Variants in SEMA3A observed in about 807,000 individuals in gnomAD.
The protein encoded by SEMA3A is semaphorin-3A.
SEMA3A carries 29 observed loss-of-function variants against 97.9 expected under a neutral mutation model. That is an observed-to-expected ratio of 0.30 (90% confidence interval 0.22 to 0.40). SEMA3A has a LOEUF of 0.40. SEMA3A is among the 10% of genes least tolerant of loss of function. SEMA3A has a pLI of 1.00. For synonymous variants in SEMA3A, 321 were observed against 323.7 expected (o/e 0.99, Z 0.09); for missense variants, 763 against 951.3 (o/e 0.80, Z 2.60).
At chr7:84,409,127 C>A (rs1391738747) in intron 1 of SEMA3A, among the ~76,000 whole-genome samples, 3 of 150,114 alleles carry the variant, frequency 2.0e-5, no homozygotes, top group African/African-American at 7.3e-5. Context: ...TATTGTTTGA[C>A]AGCACAATAG....
At chr7:84,060,051 T>C (rs748859690) in intron 5 of SEMA3A, among the ~76,000 whole-genome samples, 2 of 152,158 alleles carry the variant, frequency 1.3e-5, no homozygotes, top group Non-Finnish European at 2.9e-5. Context: ...GTAGAGGACG[T>C]CACATCAAAT....
chr7:83,958,471 A>G lies in SEMA3A; in HGVS notation c.*2900T>C, dbSNP rs1036384401. 1 of 152,510 alleles carries G rather than the reference A, an allele frequency of 6.6e-6. No homozygotes were observed. Among genetic ancestry groups the G allele is most frequent in the African/African-American group, 2.4e-5 (1 of 41,440 alleles). 9.4% of individuals were successfully genotyped at this position (152,510 alleles called of 1,614,324 possible). A position where few individuals can be genotyped will look rare whatever the true frequency, so the allele number is the denominator to read the frequency against. ...CTGAAATGCAATGATAAGTAAAGAT[A>G]TGGAACATATTTCCTACCTGGCAAA... On this transcript the variant is annotated 3_prime_UTR_variant, in exon 17 of 17. Transcript: ENST00000265362.
chr7:84,014,006 T>C (rs1790990950), intron 7 of SEMA3A, among the ~76,000 whole-genome samples: 1 of 152,214 alleles, frequency 6.6e-6, no homozygotes. Flanking sequence ...GCCAGTTACC[T>C]CACAACCTGT....
chr7:84,397,456 C>T (rs928671537), intron 1 of SEMA3A, among the ~76,000 whole-genome samples: 4 of 147,004 alleles, frequency 2.7e-5, no homozygotes, highest in South Asian at 2.1e-4. Context: ...ACATATATAA[C>T]GTATACATAA....
intron 3 of SEMA3A, among the ~76,000 whole-genome samples, chr7:84,296,721 T>C (rs1800881907): frequency 1.3e-5 from 2 of 152,208 alleles, no homozygotes; most frequent in African/African-American, 4.8e-5. Flanking sequence ...CTCTTTGTGA[T>C]AGCTTTTAAA....
At chr7:84,152,472 C>T (rs1796702816) in intron 1 of SEMA3A, among the ~76,000 whole-genome samples, 1 of 137,308 alleles carries the variant, frequency 7.3e-6, no homozygotes, top group African/African-American at 2.8e-5. Flanking sequence ...TATTCTCACT[C>T]ATAGGTGGGA....
intron 3 of SEMA3A, among the ~76,000 whole-genome samples, chr7:84,274,764 G>T (rs1800251081): frequency 6.6e-6 from 1 of 151,934 alleles, no homozygotes; most frequent in Non-Finnish European, 1.5e-5. Flanking sequence ...GCCTTCTTTT[G>T]AAAGCAAAAG....
intron 15 of SEMA3A, among the ~76,000 whole-genome samples, chr7:83,966,536 C>G (rs569264043): frequency 2.0e-5 from 3 of 152,082 alleles, no homozygotes; most frequent in African/African-American, 7.2e-5. Context: ...TTTTGTCCAA[C>G]AAAAAGAAAC....
chr7:84,189,586 A>T (rs1249352811), intron 1 of SEMA3A, among the ~76,000 whole-genome samples: 1 of 151,748 alleles, frequency 6.6e-6, no homozygotes, highest in East Asian at 1.9e-4. Context: ...GCAACTTAAA[A>T]TTCATGATAA....
intron 3 of SEMA3A, among the ~76,000 whole-genome samples, chr7:84,252,350 C>T (rs80244304): frequency 2.6e-5 from 4 of 152,112 alleles, no homozygotes; most frequent in Non-Finnish European, 4.4e-5. Context: ...GAAAACAATT[C>T]GTAGTCAAAT....
intron 3 of SEMA3A, 41 bp downstream of exon 3, chr7:84,129,082 G>A (rs1166171074): frequency 8.3e-6 from 12 of 1,452,366 alleles, no homozygotes; most frequent in East Asian, 2.3e-5. Flanking sequence ...TTGAATGAAG[G>A]ATACTCAACC....
At chr7:84,056,622 A>AAC (rs372931551) in intron 5 of SEMA3A, among the ~76,000 whole-genome samples, 27 of 150,676 alleles carry the variant, frequency 1.8e-4, no homozygotes, top group South Asian at 1.0e-3. Flanking sequence ...CACACACAGA[A>AAC]ACACACACAC....
At position 83,977,177 on chromosome 7, in the gene SEMA3A, T is replaced by C. The variant is rs1166234137; in HGVS notation, c.1672A>G (p.Ile558Val). 3.1e-6 allele frequency: 5 copies of C among 1,592,354 alleles called. No homozygotes were observed. The highest frequency in any genetic ancestry group is 4.3e-6 in the Non-Finnish European group (5 of 1,167,158). ...TGAGTCAGTGGGTCTCCATTTCTTA[T>C]ATCTTGTCGTCTTGTGCGTCTGAAG... The part of the protein sequence containing the change: ...TAKRRTRRQD[I>V]RNGDPLTHCS... The change falls in exon 15 of 17, where the codon ATA becomes GTA. Residue 558 changes from isoleucine to valine, a missense_variant. Ile to Val is a conservative substitution (Grantham distance 29). Transcript: ENST00000265362.
chr7:84,054,248 G>A (rs1792835595), intron 5 of SEMA3A, among the ~76,000 whole-genome samples: 1 of 152,272 alleles, frequency 6.6e-6, no homozygotes, highest in South Asian at 2.1e-4. Flanking sequence ...TCCTGAATCT[G>A]AACGTTGGCT....
At chr7:84,323,939 T>G (rs935336560) in intron 2 of SEMA3A, among the ~76,000 whole-genome samples, 1 of 152,218 alleles carries the variant, frequency 6.6e-6, no homozygotes, top group Non-Finnish European at 1.5e-5. Context: ...ATAAATCTGT[T>G]TATTCTCTTC....
chr7:84,453,197 A>C (rs1179658837), intron 1 of SEMA3A, among the ~76,000 whole-genome samples: 2 of 152,096 alleles, frequency 1.3e-5, no homozygotes, highest in Non-Finnish European at 2.9e-5. Flanking sequence ...AAGAGAGATG[A>C]ATCTAATTTC....
At chr7:84,089,977 C>G (rs1794511787) in intron 4 of SEMA3A, among the ~76,000 whole-genome samples, 1 of 151,698 alleles carries the variant, frequency 6.6e-6, no homozygotes, top group Non-Finnish European at 1.5e-5. Context: ...TTTTAAAATA[C>G]TATTATTATA....
At chr7:84,018,413 G>A (rs1476343169) in intron 6 of SEMA3A, among the ~76,000 whole-genome samples, 1 of 152,094 alleles carries the variant, frequency 6.6e-6, no homozygotes, top group Non-Finnish European at 1.5e-5. Context: ...TCTGGATTGT[G>A]GAAGATTAGG....
At chr7:84,038,844 TG>T (rs1331156253) in intron 6 of SEMA3A, among the ~76,000 whole-genome samples, 2 of 152,174 alleles carry the variant, frequency 1.3e-5, no homozygotes, top group African/African-American at 2.4e-5. Context: ...AATTTAGCCT[TG>T]GCTATTGTTT....
Sources: gnomAD v4.1 joint callset for allele counts (sites outside exome capture counted in the v4.1 genomes callset) on GRCh38, gnomAD v4.1.1 for gene constraint, MANE v1.5 for transcripts, NCBI Gene and HGNC (gene_info 2026-07-23, HGNC 2026-07-21) for gene names.